PLXDC1: variants seen among roughly 807,000 people sequenced by gnomAD.
The protein encoded by PLXDC1 is plexin domain containing 1.
PLXDC1 carries 39 observed loss-of-function variants against 61.3 expected under a neutral mutation model. That is an observed-to-expected ratio of 0.64 (90% CI 0.49 to 0.83). PLXDC1 has a LOEUF of 0.83. PLXDC1 is among the 40% of genes least tolerant of loss of function. PLXDC1 has a pLI of 0.00. For missense variants in PLXDC1, 596 were observed against 666.5 expected (o/e 0.89, Z 1.17); for synonymous variants, 212 against 254.5 (o/e 0.83, Z 1.59).
At chr17:39,084,675 G>T (rs1909678556) in intron 8 of PLXDC1, among the ~76,000 whole-genome samples, 1 of 152,242 alleles carries the variant, frequency 6.6e-6, no homozygotes, top group Admixed American at 6.5e-5. Flanking sequence ...CAGAGTGAAG[G>T]GGCTGGAATT....
intron 2 of PLXDC1, among the ~76,000 whole-genome samples, chr17:39,129,976 T>C (rs950075000): frequency 6.6e-6 from 1 of 152,226 alleles, no homozygotes; most frequent in African/African-American, 2.4e-5. Flanking sequence ...CTTGAAAATA[T>C]TATGCTAAGT....
chr17:39,090,719 C>G (rs1347325733), intron 7 of PLXDC1, among the ~76,000 whole-genome samples: 2 of 152,214 alleles, frequency 1.3e-5, no homozygotes, highest in African/African-American at 4.8e-5. Context: ...TCTCTCTGCC[C>G]CGACTGCTTT....
chr17:39,120,308 C>G (rs148767685), intron 2 of PLXDC1, among the ~76,000 whole-genome samples: 1 of 152,146 alleles, frequency 6.6e-6, no homozygotes, highest in African/African-American at 2.4e-5. Context: ...CCCGCCACCA[C>G]GCCCGGCTAA....
chr17:39,122,966 ACTTC>A (rs1283167547), intron 2 of PLXDC1, among the ~76,000 whole-genome samples: 1 of 152,176 alleles, frequency 6.6e-6, no homozygotes, highest in Non-Finnish European at 1.5e-5. Flanking sequence ...TTGCTGTGCT[ACTTC>A]CTTTTCTGCC....
chr17:39,107,562 T>A, intron 5 of PLXDC1, 37 bp from the exon 6 acceptor site: 4 of 1,450,784 alleles, frequency 2.8e-6, no homozygotes, highest in Non-Finnish European at 3.9e-6. Flanking sequence ...GGACGGGAGA[T>A]CATGCAAGGA....
chr17:39,104,564 G>A (rs760352213), intron 7 of PLXDC1, among the ~76,000 whole-genome samples: 11 of 152,084 alleles, frequency 7.2e-5, no homozygotes, highest in Non-Finnish European at 1.2e-4. Context: ...TGGGAGGATC[G>A]TGTGAGTTCA....
chr17:39,136,767 T>C (rs544418248), intron 2 of PLXDC1, among the ~76,000 whole-genome samples: 1 of 151,922 alleles, frequency 6.6e-6, no homozygotes, highest in Non-Finnish European at 1.5e-5. Flanking sequence ...AAAAAAGAGC[T>C]CTTAGAAATT....
At chr17:39,095,227 G>A (rs996426250) in intron 7 of PLXDC1, among the ~76,000 whole-genome samples, 3 of 150,362 alleles carry the variant, frequency 2.0e-5, no homozygotes, top group African/African-American at 7.4e-5. Context: ...CTGAGTGGTG[G>A]CAGAAAGGGG....
At chr17:39,102,317 G>T (rs185766702) in intron 7 of PLXDC1, among the ~76,000 whole-genome samples, 10 of 152,240 alleles carry the variant, frequency 6.6e-5, no homozygotes, top group Admixed American at 2.6e-4. Context: ...GGGACACACG[G>T]CAAGCGAAAG....
chr17:39,090,395 C>T (rs1238952124), intron 7 of PLXDC1, among the ~76,000 whole-genome samples: 2 of 152,170 alleles, frequency 1.3e-5, no homozygotes, highest in Non-Finnish European at 2.9e-5. Flanking sequence ...GGAGGGTGCA[C>T]CTGCTACCCA....
intron 1 of PLXDC1, among the ~76,000 whole-genome samples, chr17:39,145,525 G>A (rs1283242217): frequency 6.6e-6 from 1 of 152,128 alleles, no homozygotes; most frequent in Non-Finnish European, 1.5e-5. Flanking sequence ...CCATAGCCAG[G>A]ACAAGCCACC....
chr17:39,126,811 G>A (rs574456370), intron 2 of PLXDC1: 5 of 152,144 alleles, frequency 3.3e-5, no homozygotes, highest in Non-Finnish European at 7.3e-5. Flanking sequence ...CACATCAGTG[G>A]TGCCCCCAGC....
intron 2 of PLXDC1, among the ~76,000 whole-genome samples, chr17:39,136,897 G>A (rs34876913): frequency 0.065 from 9,843 of 152,166 alleles, 481 homozygotes; most frequent in African/African-American, 0.13. Context: ...CAAAAGAGAC[G>A]CACAGCAGAA....
intron 1 of PLXDC1, among the ~76,000 whole-genome samples, chr17:39,145,366 G>A (rs2045333485): frequency 6.6e-6 from 1 of 152,194 alleles, no homozygotes; most frequent in African/African-American, 2.4e-5. Flanking sequence ...GCCAGGTTGT[G>A]CGGCCCCAGA....
rs1203985263 is a variant in PLXDC1, at chr17:39,065,342, A to G, written c.*2498T>C. Reference sequence around the variant, plus strand: ...AAAAATAGAACCAAGCATCTCATAGAGTTAATGATTGTCTACAGGATCCCT... The same window carrying G: ...AAAAATAGAACCAAGCATCTCATAGGGTTAATGATTGTCTACAGGATCCCT... On this transcript the variant is annotated 3_prime_UTR_variant, in exon 14 of 14. Coordinates refer to ENST00000315392, the MANE Select transcript of PLXDC1 (RefSeq NM_020405.5). 6.6e-6 allele frequency: 1 copy of G among 151,662 alleles called. No homozygotes were observed. Among genetic ancestry groups the G allele is most frequent in the Non-Finnish European group, 1.5e-5 (1 of 67,966 alleles). The allele number at this position is 151,662 out of a possible 1,614,324, so 9.4% of individuals were successfully genotyped here.
chr17:39,108,195 A>G lies in PLXDC1; in HGVS notation c.520T>C (p.Tyr174His). 6.2e-7 allele frequency: 1 copy of G among 1,614,182 alleles called. No homozygotes were observed. Among genetic ancestry groups the G allele is most frequent in the East Asian group, 2.2e-5 (1 of 44,882 alleles). Residue 174 changes from tyrosine (Y) to histidine (H), a missense_variant, in exon 5 of 14, where the codon TAT becomes CAT. Tyr to His is a moderately conservative substitution (Grantham distance 83, BLOSUM62 2). Transcript: ENST00000315392. ...AAGTTGGCCATCAGGGGCGCCACAT[A>G]CTGAGTAGCTGTGAGCATCCGATGG... ...VIHRMLTATQ[Y>H]VAPLMANFNP...
intron 12 of PLXDC1, chr17:39,070,221 CA>C (rs1909062785): frequency 2.2e-6 from 1 of 461,432 alleles, no homozygotes; most frequent in African/African-American, 1.9e-5. Context: ...GGTAGTTTTC[CA>C]AAATCATGTA....
At chr17:39,120,365 C>T (rs889172365) in intron 2 of PLXDC1, among the ~76,000 whole-genome samples, 2 of 151,992 alleles carry the variant, frequency 1.3e-5, no homozygotes, top group South Asian at 2.1e-4. Context: ...CCACCCTCCT[C>T]GGGCTCCCAA....
rs1908815120 is a variant in PLXDC1 at position 39,064,308 on chromosome 17, C to T, written c.*3532G>A. The T allele has an allele frequency of 6.6e-6, 1 of 152,278 alleles. No homozygotes were observed. Among genetic ancestry groups the T allele is most frequent in the African/African-American group, 2.4e-5 (1 of 41,446 alleles). The allele number at this position is 152,278 out of a possible 1,614,324, so 9.4% of individuals were successfully genotyped here. On this transcript the variant is annotated 3_prime_UTR_variant, in exon 14 of 14. Transcript: ENST00000315392. ...AGTACCTGGGACTACAGGCGTGAGC[C>T]ACTGCACCTGGCCATGTAGTGAAGG...
Sources: allele counts gnomAD v4.1 joint callset (sites outside exome capture counted in the v4.1 genomes callset), GRCh38; gene constraint gnomAD v4.1.1; transcripts MANE v1.5; gene names NCBI Gene and HGNC (gene_info 2026-07-23, HGNC 2026-07-21).